The following MROH2B variants were observed in gnomAD, a reference collection of about 807,000 sequenced individuals.
MROH2B encodes the protein maestro heat like repeat family member 2B.
MROH2B carries 177 observed loss-of-function variants against 208.6 expected under a neutral mutation model. The ratio of observed to expected loss-of-function variants is 0.85; its 90% CI spans 0.75 to 0.96. The LOEUF is 0.96. Ranked by LOEUF, MROH2B falls within the 40% of genes least tolerant of loss-of-function variation. The pLI, the probability that MROH2B is intolerant of heterozygous loss-of-function variation, is 0.00. For synonymous variants in MROH2B, 728 were observed against 659.0 expected, an observed-to-expected ratio of 1.10 and a Z score of -1.60; for missense variants, 2,002 against 1,878.7, an observed-to-expected ratio of 1.07 and a Z score of -1.21.
intron 39 of MROH2B, chr5:41,000,015 C>T: frequency 2.8e-6 from 2 of 713,486 alleles, no homozygotes; most frequent in East Asian, 2.7e-5. Flanking sequence ...GAATATATCC[C>T]AGTCAGGACT....
Position 41,051,018 on chromosome 5 carries a change from C to T in MROH2B, c.1303G>A (p.Val435Ile), listed in dbSNP as rs1379523439. 3.2e-6 allele frequency: 5 copies of T among 1,564,094 alleles called. No individual in the cohort carries two copies. The highest frequency in any genetic ancestry group is 2.4e-5 in the East Asian group (1 of 41,278). Residue 435 changes from valine (V) to isoleucine (I), a missense_variant, in exon 13 of 42, where the codon GTC becomes ATC. By Grantham distance (29) the Val-to-Ile change is conservative. Transcript: ENST00000399564. ...EESVRETSLE[V>I]LKTLDPLVIG... ...ACCAGTGGGTCCAGGGTTTTTAAGA[C>T]CTCAAGGCTTGTTTCTCGGACAGAT...
chr5:41,015,184 A>C (rs1741898809), intron 29 of MROH2B, among the ~76,000 whole-genome samples, 197 bp downstream of exon 29: 1 of 152,222 alleles, frequency 6.6e-6, no homozygotes, highest in South Asian at 2.1e-4. Context: ...CACTTGGTCT[A>C]CAAAGTTTCC....
At chr5:41,005,003 A>G in intron 35 of MROH2B, 83 bp from the exon 36 acceptor site, 2 of 1,512,842 alleles carry the variant, frequency 1.3e-6, no homozygotes, top group South Asian at 1.3e-5. Flanking sequence ...CACAAGTACA[A>G]TTAAAGAGAG....
chr5:41,026,919 C>T lies in MROH2B; in HGVS notation c.2441+5823G>A, dbSNP rs368679399. On this transcript the variant is annotated intron_variant, in intron 24 of 41. Transcript: ENST00000399564. Reference sequence around the variant, plus strand: ...ACCATCTGATCTTTGACAAACCTGACGAAAACATGAAATGGGGAAAGGATT... The same window carrying T: ...ACCATCTGATCTTTGACAAACCTGATGAAAACATGAAATGGGGAAAGGATT... Among the ~76,000 whole-genome samples the T allele has an allele frequency of 4.7e-4, 72 of 152,104 alleles. 1 individual carries two copies. Among genetic ancestry groups the T allele is most frequent in the Middle Eastern group, 3.4e-3 (1 of 294 alleles).
chr5:41,025,856 T>C (rs1049463584), intron 24 of MROH2B, among the ~76,000 whole-genome samples: 1 of 152,218 alleles, frequency 6.6e-6, no homozygotes, highest in Non-Finnish European at 1.5e-5. Flanking sequence ...GTGGGCTTCA[T>C]CCCAGGGATG....
chr5:41,057,968 A>T (rs1743513989), intron 7 of MROH2B, 95 bp downstream of exon 7: 1 of 1,219,278 alleles, frequency 8.2e-7, no homozygotes, highest in Non-Finnish European at 1.1e-6. Flanking sequence ...CCCAAACAGG[A>T]GTTTAAGCTC....
chr5:41,035,120 CG>C (rs1742712293), intron 21 of MROH2B, among the ~76,000 whole-genome samples: 2 of 151,762 alleles, frequency 1.3e-5, no homozygotes, highest in Non-Finnish European at 2.9e-5. Flanking sequence ...TATGGAACAA[CG>C]AAAAAAAGCC....
At position 41,011,230 on chromosome 5, in the gene MROH2B, C is replaced by A. The variant is rs145246569; in HGVS notation, c.3136-1151G>T. 8.2e-4 allele frequency among the ~76,000 whole-genome samples: 125 copies of A among 152,276 alleles called. 1 individual carries two copies. The highest frequency in any genetic ancestry group is 2.9e-3 in the African/African-American group (119 of 41,542). ...AGACATTTCTATTATTTTGGATAGA[C>A]ATTTAAGTTAGACATTTATTTTAAA... On this transcript the variant is annotated intron_variant, in intron 30 of 41. Coordinates refer to ENST00000399564, the MANE Select transcript of MROH2B (RefSeq NM_173489.5).
At chr5:41,032,212 C>A (rs527993600) in intron 24 of MROH2B, among the ~76,000 whole-genome samples, 2 of 152,200 alleles carry the variant, frequency 1.3e-5, no homozygotes, top group African/African-American at 4.8e-5. Flanking sequence ...TAAGTGTTTC[C>A]TTTTCTCCAC....
chr5:41,045,786 T>C lies in MROH2B; in HGVS notation c.1796A>G (p.Lys599Arg), dbSNP rs761503056. Residue 599 changes from lysine to arginine, a missense_variant, in exon 18 of 42, where the codon AAA becomes AGA. Lys to Arg is a conservative substitution (Grantham distance 26). Transcript: ENST00000399564. ...ATTGCTGTAACTGCCCATTTGCTGTTTGAAATCCTGAGTCAGCTGAATGGT... is the reference window on the plus strand; with the variant it reads ...ATTGCTGTAACTGCCCATTTGCTGTCTGAAATCCTGAGTCAGCTGAATGGT... ...AWTIQLTQDF[K>R]QQMGSYSNNS... 1.6e-5 allele frequency: 26 copies of C among 1,613,538 alleles called. No individual in the cohort carries two copies. The highest frequency in any genetic ancestry group is 6.7e-5 in the Admixed American group (4 of 60,002).
chr5:41,065,611 AG>A, intron 3 of MROH2B, 121 bp from the exon 4 acceptor site: 2 of 821,122 alleles, frequency 2.4e-6, no homozygotes, highest in Non-Finnish European at 1.8e-6. Flanking sequence ...TTATAGATTC[AG>A]GGGGTACATG....
In MROH2B at chr5:41,012,594, G is replaced by T. The variant is rs1741808352; in HGVS notation, c.3124C>A (p.Leu1042Met). Residue 1042 changes from leucine to methionine, a missense_variant, in exon 30 of 42, where the codon CTG becomes ATG. Transcript: ENST00000399564. ...GGCTATCAGTTCACCTGATCTTCCA[G>T]AGCAGCTCCCTGCTGCTTCAGGACA... ...ITVLKQQGAALEDQLLEILGT... is the reference protein window; with the variant it reads ...ITVLKQQGAAMEDQLLEILGT... The T allele has an allele frequency of 6.2e-7, 1 of 1,611,694 alleles. No individual in the cohort carries two copies. Among genetic ancestry groups the T allele is most frequent in the Non-Finnish European group, 8.5e-7 (1 of 1,179,212 alleles).
chr5:41,017,016 T>G (rs1741977189), intron 28 of MROH2B, among the ~76,000 whole-genome samples: 1 of 152,104 alleles, frequency 6.6e-6, no homozygotes, highest in East Asian at 1.9e-4. Context: ...TATCTCTGTG[T>G]CCCCAGCATT....
rs531409397 is a variant in MROH2B, at chr5:41,000,100, C to T, written c.4482+120G>A. 3.2e-5 allele frequency: 43 copies of T among 1,330,218 alleles called. 2 individuals carry two copies. The South Asian group carries it at 5.7e-4, about 18-fold the overall frequency. The allele number at this position is 1,330,218 out of a possible 1,614,324, so 82.4% of individuals were successfully genotyped here. A position where few individuals can be genotyped will look rare whatever the true frequency, so the allele number is the denominator to read the frequency against. ...TCCTGTGAAATCAGGATATCACTGC[C>T]ATCCTTCCAAGGCAGTTCTGGCTCT... On this transcript the variant is annotated intron_variant, in intron 39 of 41. Coordinates refer to ENST00000399564, the MANE Select transcript of MROH2B (RefSeq NM_173489.5).
intron 27 of MROH2B, 124 bp downstream of exon 27, chr5:41,018,217 G>T: frequency 9.3e-7 from 1 of 1,080,198 alleles, no homozygotes; most frequent in Non-Finnish European, 1.3e-6. Flanking sequence ...CTCCAAAAGT[G>T]TTCCGAAAAG....
intron 33 of MROH2B, 71 bp downstream of exon 33, chr5:41,008,535 C>T: frequency 1.9e-6 from 3 of 1,543,328 alleles, no homozygotes; most frequent in Non-Finnish European, 2.6e-6. Flanking sequence ...CAGACCCTGA[C>T]TTCTGCAGCA....
At chr5:41,026,726 C>T (rs1742374555) in intron 24 of MROH2B, among the ~76,000 whole-genome samples, 1 of 152,152 alleles carries the variant, frequency 6.6e-6, no homozygotes, top group South Asian at 2.1e-4. Context: ...GCCCGCATTG[C>T]CAAGACAATC....
chr5:41,047,418 G>A (rs925566003), intron 17 of MROH2B, among the ~76,000 whole-genome samples: 7 of 152,138 alleles, frequency 4.6e-5, no homozygotes, highest in African/African-American at 1.4e-4. Flanking sequence ...AAAGAACAAA[G>A]TTGCAAGAAG....
chr5:41,010,791 C>A (rs915668908), intron 30 of MROH2B, among the ~76,000 whole-genome samples: 4 of 151,988 alleles, frequency 2.6e-5, no homozygotes, highest in Admixed American at 6.6e-5. Flanking sequence ...TGGGTGATAG[C>A]GATGTGTCAA....
Sources: allele counts gnomAD v4.1 joint callset (sites outside exome capture counted in the v4.1 genomes callset), GRCh38; gene constraint gnomAD v4.1.1; transcripts MANE v1.5; gene names NCBI Gene and HGNC (gene_info 2026-07-23, HGNC 2026-07-21).